LRGUK: variants seen among roughly 807,000 people sequenced by gnomAD.
The protein encoded by LRGUK is leucine rich repeats and guanylate kinase domain containing, also known as leucine-rich repeat and guanylate kinase domain-containing protein.
A neutral mutation model predicts 76.0 loss-of-function variants in LRGUK; 65 were observed. That is an observed-to-expected ratio of 0.85 (90% CI 0.70 to 1.05). LRGUK has a LOEUF of 1.05. Among genes scored for constraint, LRGUK ranks in the 50% least tolerant of loss-of-function variants. LRGUK has a pLI of 0.00. For synonymous variants in LRGUK, 268 were observed against 265.6 expected, an observed-to-expected ratio of 1.01 and a Z score of -0.09; for missense variants, 758 against 732.8, an observed-to-expected ratio of 1.03 and a Z score of -0.40.
intron 15 of LRGUK, among the ~76,000 whole-genome samples, chr7:134,217,562 C>T (rs1016020487): frequency 1.3e-5 from 2 of 152,082 alleles, no homozygotes; most frequent in African/African-American, 4.8e-5. Flanking sequence ...ATCATGGATA[C>T]TATGCAAAAT....
At chr7:134,222,594 G>A (rs2117156332) in intron 16 of LRGUK, among the ~76,000 whole-genome samples, 1 of 151,142 alleles carries the variant, frequency 6.6e-6, no homozygotes, top group South Asian at 2.1e-4. Context: ...GTTTTTGTTT[G>A]TTTTGTTTTG....
At chr7:134,225,533 G>T (rs1563191484) in intron 16 of LRGUK, among the ~76,000 whole-genome samples, 1 of 152,168 alleles carries the variant, frequency 6.6e-6, no homozygotes, top group Non-Finnish European at 1.5e-5. Context: ...AGTGCTAGTA[G>T]TTTAGGTGGA....
chr7:134,133,773 T>C (rs1339372389), intron 1 of LRGUK, among the ~76,000 whole-genome samples: 1 of 152,052 alleles, frequency 6.6e-6, no homozygotes, highest in Non-Finnish European at 1.5e-5. Flanking sequence ...TGAAATTGCG[T>C]ATGGGTCCAG....
intron 5 of LRGUK, among the ~76,000 whole-genome samples, chr7:134,152,798 T>C (rs1798278997): frequency 6.6e-6 from 1 of 152,106 alleles, no homozygotes; most frequent in South Asian, 2.1e-4. Context: ...CAGTATTGCT[T>C]GTACTAGTAA....
downstream of LRGUK, among the ~76,000 whole-genome samples, chr7:134,212,444 G>A (rs374209864): frequency 2.0e-5 from 3 of 152,150 alleles, no homozygotes; most frequent in African/African-American, 7.2e-5. Context: ...CTGTGTAAAT[G>A]TCTCTTACAC....
At chr7:134,200,035 AT>A (rs1424344640) in intron 14 of LRGUK, among the ~76,000 whole-genome samples, 45 of 48,834 alleles carry the variant, frequency 9.2e-4, no homozygotes, top group South Asian at 6.4e-3. Context: ...TATATGTATA[AT>A]TTTTTTTTTT....
intron 16 of LRGUK, among the ~76,000 whole-genome samples, chr7:134,222,626 T>TTTTA (rs1255868737): frequency 6.6e-6 from 1 of 152,074 alleles, no homozygotes; most frequent in African/African-American, 2.4e-5. Flanking sequence ...TTTTTTTTTT[T>TTTTA]GAGACGGAGT....
downstream of LRGUK, among the ~76,000 whole-genome samples, chr7:134,266,367 C>T (rs1802856098): frequency 6.6e-6 from 1 of 152,080 alleles, no homozygotes; most frequent in African/African-American, 2.4e-5. Flanking sequence ...AATGCTTCAA[C>T]AAGCAATTAG....
chr7:134,207,814 A>G (rs1183005667), intron 15 of LRGUK, among the ~76,000 whole-genome samples: 3 of 152,184 alleles, frequency 2.0e-5, no homozygotes, highest in Non-Finnish European at 4.4e-5. Flanking sequence ...TGACTGCTCC[A>G]CATTTCAGAG....
intron 1 of LRGUK, among the ~76,000 whole-genome samples, chr7:134,130,580 GAAAC>G (rs1008987747): frequency 4.0e-4 from 61 of 152,120 alleles, no homozygotes; most frequent in African/African-American, 1.4e-3. Context: ...TAAATAAACT[GAAAC>G]AAAGTTTTAA....
At chr7:134,225,067 A>G (rs1345509018) in intron 16 of LRGUK, among the ~76,000 whole-genome samples, 1 of 151,538 alleles carries the variant, frequency 6.6e-6, no homozygotes, top group Non-Finnish European at 1.5e-5. Context: ...AGAAAAAAAA[A>G]AAAGTGTTGG....
intron 18 of LRGUK, among the ~76,000 whole-genome samples, chr7:134,256,452 T>A: frequency 7.5e-6 from 1 of 133,978 alleles, no homozygotes. Context: ...AGAGCGAAAC[T>A]CTGTCTCAAA....
At chr7:134,197,213 T>C in intron 13 of LRGUK, 108 bp downstream of exon 13, 1 of 656,806 alleles carries the variant, frequency 1.5e-6, no homozygotes, top group Non-Finnish European at 2.7e-6. Flanking sequence ...TACTGATACA[T>C]AATTGAGGTA....
In LRGUK at chr7:134,227,633, A is replaced by G. The variant is rs117856879; in HGVS notation, c.1983+5715A>G. Among the ~76,000 whole-genome samples, 3 of 152,332 alleles carry G rather than the reference A, an allele frequency of 2.0e-5. No individual in the cohort carries two copies. The East Asian group carries it at 5.8e-4, about 29-fold the overall frequency. ...AGCCTCCAAGCATTGATGTTATCAA[A>G]GCAAGACTTTAATGTGACTGCATTT... On this transcript the variant is annotated intron_variant, in intron 16 of 19. Transcript: ENST00000285928.
At chr7:134,190,784 G>A (rs1321489003) in intron 11 of LRGUK, among the ~76,000 whole-genome samples, 1 of 152,170 alleles carries the variant, frequency 6.6e-6, no homozygotes, top group Non-Finnish European at 1.5e-5. Flanking sequence ...GCCAAGCATT[G>A]GGAATGCAGT....
intron 11 of LRGUK, among the ~76,000 whole-genome samples, chr7:134,188,844 A>T (rs1800081511): frequency 6.6e-6 from 1 of 152,140 alleles, no homozygotes; most frequent in African/African-American, 2.4e-5. Context: ...TAACAAGTTC[A>T]TTATTTCCTG....
At chr7:134,147,678 G>A (rs1798032904) in intron 4 of LRGUK, among the ~76,000 whole-genome samples, 1 of 152,152 alleles carries the variant, frequency 6.6e-6, no homozygotes. Flanking sequence ...GGAATTGAAA[G>A]CATTTAGGTT....
the LRGUK span, among the ~76,000 whole-genome samples, chr7:134,272,062 A>G: frequency 1.3e-4 from 20 of 152,220 alleles, no homozygotes; most frequent in Admixed American, 5.9e-4. Context: ...AATGTTGAAT[A>G]GAAACAATGA....
intron 12 of LRGUK, among the ~76,000 whole-genome samples, chr7:134,193,421 T>A (rs554418424): frequency 6.6e-6 from 1 of 152,320 alleles, no homozygotes; most frequent in South Asian, 2.1e-4. Flanking sequence ...TCATCTGTTC[T>A]CAGTACCCCA....
Sources: gnomAD v4.1 joint callset for allele counts (sites outside exome capture counted in the v4.1 genomes callset) on GRCh38, gnomAD v4.1.1 for gene constraint, MANE v1.5 for transcripts, NCBI Gene and HGNC (gene_info 2026-07-23, HGNC 2026-07-21) for gene names.